The following NREP variants were observed in gnomAD, a reference collection of about 807,000 sequenced individuals.
NREP encodes the protein neuronal regeneration-related protein.
NREP carries 5 observed loss-of-function variants against 8.6 expected under a neutral mutation model. The observed-to-expected ratio is 0.58, with a 90% confidence interval of 0.30 to 1.22. NREP has a LOEUF of 1.22. Among genes scored for constraint, NREP ranks in the 50% most tolerant of loss-of-function variants. The pLI is 0.07. For synonymous variants in NREP, 27 were observed against 28.0 expected (o/e 0.96, Z 0.11); for missense variants, 86 against 82.5 (o/e 1.04, Z -0.17).
At chr5:111,882,991 G>A (rs371416523) in intron 2 of NREP, among the ~76,000 whole-genome samples, 1,654 of 152,300 alleles carry the variant, frequency 0.011, 13 homozygotes, top group South Asian at 0.035. Context: ...AACTTTAAAT[G>A]TAAATGGACT....
intron 2 of NREP, among the ~76,000 whole-genome samples, chr5:111,833,280 T>C (rs1409475015): frequency 6.6e-6 from 1 of 152,198 alleles, no homozygotes; most frequent in Non-Finnish European, 1.5e-5. Flanking sequence ...CAGGACAGTT[T>C]ATCCTACAAT....
chr5:111,837,195 T>C (rs1752916343), intron 2 of NREP, among the ~76,000 whole-genome samples: 1 of 152,108 alleles, frequency 6.6e-6, no homozygotes, highest in South Asian at 2.1e-4. Flanking sequence ...AGTTTCTAAA[T>C]ACATTTCCTA....
intron 2 of NREP, among the ~76,000 whole-genome samples, chr5:111,882,881 G>A (rs1480988252): frequency 2.0e-5 from 3 of 152,184 alleles, no homozygotes; most frequent in Non-Finnish European, 4.4e-5. Flanking sequence ...CATGCCAAAT[G>A]GTAAAGACCA....
rs558958563 is a variant in NREP, at chr5:111,730,539, T to TCG, written c.*381_*382insCG. On this transcript the variant is annotated 3_prime_UTR_variant, in exon 4 of 4. Transcript: ENST00000257435. The stretch of plus-strand genomic sequence containing the variant: ...TGTTACATCTAAATGAAAAAAAAGG[T>TCG]GGGGGGGGGACTCTCAGCCTCTGCA... 35 of 152,056 alleles carry TCG rather than the reference T, an allele frequency of 2.3e-4. No individual in the cohort carries two copies. The East Asian group carries it at 3.5e-3, about 15-fold the overall frequency. 9.4% of individuals were successfully genotyped at this position (152,056 alleles called of 1,614,324 possible). A position where few individuals can be genotyped will look rare whatever the true frequency, so the allele number is the denominator to read the frequency against.
intron 2 of NREP, among the ~76,000 whole-genome samples, chr5:111,897,041 A>G (rs1468813843): frequency 6.6e-6 from 1 of 152,154 alleles, no homozygotes; most frequent in African/African-American, 2.4e-5. Context: ...GGGTCACTCT[A>G]TTAGATTCAA....
intron 2 of NREP, among the ~76,000 whole-genome samples, chr5:111,948,277 T>G (rs1196708449): frequency 6.6e-6 from 1 of 152,108 alleles, no homozygotes; most frequent in Non-Finnish European, 1.5e-5. Context: ...GGATCAGAAA[T>G]GTATGGCAGC....
chr5:111,919,329 T>C (rs754605578), intron 2 of NREP, among the ~76,000 whole-genome samples: 27 of 152,122 alleles, frequency 1.8e-4, no homozygotes, highest in Non-Finnish European at 3.4e-4. Context: ...TCCTCAAGGA[T>C]CTAGAACCAG....
rs918557421 is a variant in NREP, at chr5:111,915,132, C to T, written c.135+60142G>A. Among the ~76,000 whole-genome samples the T allele has an allele frequency of 2.2e-4, 33 of 152,074 alleles. 1 individual carries two copies. The highest frequency in any genetic ancestry group is 7.7e-4 in the African/African-American group (32 of 41,434). On this transcript the variant is annotated intron_variant, in intron 2 of 3. Coordinates refer to the NREP transcript ENST00000395634. ...AGGGACTTTTATTTCTAAGACTTCC[C>T]TCAGGCTACTGAGCTATGCACACAG...
At chr5:111,750,905 A>G (rs574858092) in intron 2 of NREP, among the ~76,000 whole-genome samples, 3 of 152,318 alleles carry the variant, frequency 2.0e-5, no homozygotes, top group African/African-American at 7.2e-5. Flanking sequence ...CAAGTGCCAC[A>G]CTTTATGGTT....
At chr5:111,734,743 C>T in intron 3 of NREP, 1 of 700,172 alleles carries the variant, frequency 1.4e-6, no homozygotes, top group Non-Finnish European at 2.6e-6. Context: ...TCTTTCTTAA[C>T]TGCAAAATCA....
upstream of NREP, among the ~76,000 whole-genome samples, chr5:111,762,171 A>G (rs1000086468): frequency 1.3e-5 from 2 of 152,152 alleles, no homozygotes; most frequent in Non-Finnish European, 2.9e-5. Context: ...ATGGGTTCAG[A>G]AAGCACAGGA....
At chr5:111,741,460 T>G (rs1430812903) in intron 2 of NREP, among the ~76,000 whole-genome samples, 1 of 152,276 alleles carries the variant, frequency 6.6e-6, no homozygotes, top group East Asian at 1.9e-4. Context: ...TTACTGGTCA[T>G]ATGAGAGGGC....
At chr5:111,955,560 A>G (rs1197390583) in intron 2 of NREP, among the ~76,000 whole-genome samples, 1 of 151,964 alleles carries the variant, frequency 6.6e-6, no homozygotes, top group Non-Finnish European at 1.5e-5. Flanking sequence ...CCTTATACAG[A>G]GACCTGTAAG....
At chr5:111,774,039 T>C (rs1301805187) in intron 2 of NREP, among the ~76,000 whole-genome samples, 2 of 152,138 alleles carry the variant, frequency 1.3e-5, no homozygotes, top group Non-Finnish European at 2.9e-5. Context: ...ACTTGACAAA[T>C]TCCCCATTCA....
chr5:111,846,420 C>CTTTTTTTTTTGTTTTTTTTTTTT (rs1753169945), intron 2 of NREP: 1 of 44,414 alleles, frequency 2.3e-5, no homozygotes, highest in African/African-American at 8.5e-5. Flanking sequence ...TTTTTGTTTG[C>CTTTTTTTTTTGTTTTTTTTTTTT]TTTTTTTTTT....
chr5:111,746,741 A>AT (rs1338792297), intron 2 of NREP, among the ~76,000 whole-genome samples: 1 of 152,124 alleles, frequency 6.6e-6, no homozygotes, highest in Non-Finnish European at 1.5e-5. Context: ...TTACAAAAAG[A>AT]TTTTTTCAAA....
At chr5:111,894,323 A>T (rs1191701911) in intron 2 of NREP, among the ~76,000 whole-genome samples, 1 of 152,148 alleles carries the variant, frequency 6.6e-6, no homozygotes, top group Admixed American at 6.5e-5. Flanking sequence ...TTAAGTGGCT[A>T]TATTTATAAT....
chr5:111,815,391 G>A (rs1247671461), intron 2 of NREP, among the ~76,000 whole-genome samples: 1 of 152,108 alleles, frequency 6.6e-6, no homozygotes, highest in African/African-American at 2.4e-5. Context: ...AATTTTCTCT[G>A]ATGAGGTATA....
At chr5:111,857,113 T>C (rs1234907712) in intron 2 of NREP, among the ~76,000 whole-genome samples, 1 of 152,204 alleles carries the variant, frequency 6.6e-6, no homozygotes, top group Non-Finnish European at 1.5e-5. Flanking sequence ...TCCAAAGTGC[T>C]TGTGCTTGAT....
Sources: allele counts gnomAD v4.1 joint callset (sites outside exome capture counted in the v4.1 genomes callset), GRCh38; gene constraint gnomAD v4.1.1; transcripts MANE v1.5; gene names NCBI Gene and HGNC (gene_info 2026-07-23, HGNC 2026-07-21).